HSFX3: variants seen among roughly 807,000 people sequenced by gnomAD.
HSFX3 encodes the protein heat shock transcription factor, X-linked member 3.
For missense variants in HSFX3, 51 were observed against 175.4 expected, an observed-to-expected ratio of 0.29 and a Z score of 4.01; for synonymous variants, 24 against 67.8, an observed-to-expected ratio of 0.35 and a Z score of 3.17.
chrX:149,549,778 C>T lies in HSFX3; in HGVS notation c.75G>A (p.Gly25=), dbSNP rs1236548885. Reference sequence around the variant, plus strand: ...GATCAGGTGAAGAACCAGATGGGCCCCCGCTTGTTGGCTCTCCACCAACAG... The same window carrying T: ...GATCAGGTGAAGAACCAGATGGGCCTCCGCTTGTTGGCTCTCCACCAACAG... ...APSVGGEPTS[G]GPSGSSPDPN... Residue 25 remains glycine (G), a synonymous_variant, in exon 1 of 2, where the codon GGG becomes GGA. Transcript: ENST00000431993. 1 of 345,253 alleles carries T rather than the reference C, an allele frequency of 2.9e-6. No homozygotes were observed. Among genetic ancestry groups the T allele is most frequent in the African/African-American group, 3.3e-5 (1 of 30,415 alleles). 28.5% of individuals were successfully genotyped at this position (345,253 alleles called of 1,213,427 possible).
rs1241954129 is a variant in HSFX3, at chrX:149,549,404, C to A, written c.449G>T (p.Arg150Leu). ...QLNLYGFCKTRPSNSPGNKKM... is the reference protein window; with the variant it reads ...QLNLYGFCKTLPSNSPGNKKM... ...CTTGTTTCCTGGAGAGTTGCTTGGG[C>A]GTGTTTTGCAGAATCCATAGAGGTT... The change falls in exon 1 of 2, where the codon CGC becomes CTC. Residue 150 changes from arginine (R) to leucine (L), a missense_variant. By Grantham distance (102) the Arg-to-Leu change is moderately radical. Coordinates refer to ENST00000431993, the MANE Select transcript of HSFX3 (RefSeq NM_001323079.3). 1 of 1,161,227 alleles carries A rather than the reference C, an allele frequency of 8.6e-7. No homozygotes were observed. Among genetic ancestry groups the A allele is most frequent in the African/African-American group, 1.8e-5 (1 of 55,014 alleles).
rs1293732907 is a variant in HSFX3, at chrX:149,549,445, A to G, written c.408T>C (p.Ser136=). 4 of 1,162,018 alleles carry G rather than the reference A, an allele frequency of 3.4e-6. No homozygotes were observed. In the Admixed American group the frequency reaches 1.0e-4, roughly 30 times the overall value. The part of the protein sequence containing the change: ...ERIFKTDSLT[S]FIRQLNLYGF... ...CATAGAGGTTCAGCTGGCGAATGAAACTCGTCAAGCTGTCTGTTTTGAAGA... is the reference window on the plus strand; with the variant it reads ...CATAGAGGTTCAGCTGGCGAATGAAGCTCGTCAAGCTGTCTGTTTTGAAGA... Residue 136 remains serine, a synonymous_variant, in exon 1 of 2, where the codon AGT becomes AGC. Coordinates refer to ENST00000431993, the MANE Select transcript of HSFX3 (RefSeq NM_001323079.3).
chrX:149,549,310 C>T lies in HSFX3; in HGVS notation c.483+60G>A, dbSNP rs1365236703. 13 of 1,115,845 alleles carry T rather than the reference C, an allele frequency of 1.2e-5. No homozygotes were observed. The Admixed American group carries it at 2.9e-4, about 25-fold the overall frequency. The allele number at this position is 1,115,845 out of a possible 1,213,427, so 92.0% of individuals were successfully genotyped here. A position where few individuals can be genotyped will look rare whatever the true frequency, so the allele number is the denominator to read the frequency against. ...TACAGTATATTATTCAAATTGGTGT[C>T]CTATGAAGATATGTTTGAGAAAGAG... On this transcript the variant is annotated intron_variant, in intron 1 of 1. Transcript: ENST00000431993.
Position 149,548,246 on chromosome X carries a change from A to T in HSFX3, c.*146T>A, listed in dbSNP as rs2089885252. 6 of 445,911 alleles carry T rather than the reference A, an allele frequency of 1.3e-5. No homozygotes were observed. Among genetic ancestry groups the T allele is most frequent in the Non-Finnish European group, 1.9e-5 (6 of 308,067 alleles). The allele number at this position is 445,911 out of a possible 1,213,427, so 36.7% of individuals were successfully genotyped here. A position where few individuals can be genotyped will look rare whatever the true frequency, so the allele number is the denominator to read the frequency against. On this transcript the variant is annotated 3_prime_UTR_variant, in exon 2 of 2. Transcript: ENST00000431993. The stretch of plus-strand genomic sequence containing the variant: ...ATTGTTTATTATTTATTTCCATGGA[A>T]TTTTGTTTTTCTTTATTAAGACCAA...
rs2089890534 is a variant in HSFX3, at chrX:149,548,687, C to A, written c.707G>T (p.Ser236Ile). Reference protein sequence around the residue: ...QQGAPSVQGPSGTQSFRRSGM... With the variant: ...QQGAPSVQGPIGTQSFRRSGM... The stretch of plus-strand genomic sequence containing the variant: ...AGAGCGCCTGAAGGACTGGGTGCCA[C>A]TGGGCCCCTGAACACTGGGGGCTCC... Residue 236 changes from serine (S) to isoleucine (I), a missense_variant, in exon 2 of 2, where the codon AGT (serine) becomes ATT (isoleucine). By Grantham distance (142) the Ser-to-Ile change is moderately radical. Transcript: ENST00000431993. 1 of 622,009 alleles carries A rather than the reference C, an allele frequency of 1.6e-6. No individual in the cohort carries two copies. Among genetic ancestry groups the A allele is most frequent in the Non-Finnish European group, 2.1e-6 (1 of 483,763 alleles). The allele number at this position is 622,009 out of a possible 1,213,427, so 51.3% of individuals were successfully genotyped here. A position where few individuals can be genotyped will look rare whatever the true frequency, so the allele number is the denominator to read the frequency against.
Position 149,548,257 on chromosome X carries a change from C to A in HSFX3, c.*135G>T. 1.6e-6 allele frequency: 1 copy of A among 627,205 alleles called. No individual in the cohort carries two copies. The highest frequency in any genetic ancestry group is 2.1e-6 in the Non-Finnish European group (1 of 474,265). The allele number at this position is 627,205 out of a possible 1,213,427, so 51.7% of individuals were successfully genotyped here. A position where few individuals can be genotyped will look rare whatever the true frequency, so the allele number is the denominator to read the frequency against. Reference sequence around the variant, plus strand: ...TTTATTTCCATGGAATTTTGTTTTTCTTTATTAAGACCAAAAATGTGTTTC... The same window carrying A: ...TTTATTTCCATGGAATTTTGTTTTTATTTATTAAGACCAAAAATGTGTTTC... On this transcript the variant is annotated 3_prime_UTR_variant, in exon 2 of 2. Transcript: ENST00000431993.
intron 1 of HSFX3, among the ~76,000 whole-genome samples, 151 bp downstream of exon 1, chrX:149,549,219 A>G (rs1454261488): frequency 2.7e-5 from 3 of 112,214 alleles, no homozygotes; most frequent in Non-Finnish European, 5.6e-5. Context: ...TTTAAGTTCT[A>G]TACTTTTCAT....
At position 149,548,352 on chromosome X, in the gene HSFX3, A is replaced by G; in HGVS notation, c.*40T>C. On this transcript the variant is annotated 3_prime_UTR_variant, in exon 2 of 2. Coordinates refer to ENST00000431993, the MANE Select transcript of HSFX3 (RefSeq NM_001323079.3). ...CTTCACGAATTTGCAGTGTTTCTGA[A>G]CTGTTCACAGAGTCTACACTTGTAA... 3 of 932,740 alleles carry G rather than the reference A, an allele frequency of 3.2e-6. No homozygotes were observed. Among genetic ancestry groups the G allele is most frequent in the Non-Finnish European group, 4.0e-6 (3 of 752,050 alleles). 76.9% of individuals were successfully genotyped at this position (932,740 alleles called of 1,213,427 possible).
At chrX:149,549,220 T>C (rs1243171931) in intron 1 of HSFX3, 150 bp downstream of exon 1, 30 of 1,031,716 alleles carry the variant, frequency 2.9e-5, no homozygotes, top group Non-Finnish European at 3.7e-5. Flanking sequence ...TTAAGTTCTA[T>C]ACTTTTCATC....
chrX:149,548,584 C>T lies in HSFX3; in HGVS notation c.810G>A (p.Trp270Ter). The T allele has an allele frequency of 1.1e-6, 1 of 890,468 alleles. No individual in the cohort carries two copies. Among genetic ancestry groups the T allele is most frequent in the Admixed American group, 6.7e-5 (1 of 15,004 alleles). The allele number at this position is 890,468 out of a possible 1,213,427, so 73.4% of individuals were successfully genotyped here. A position where few individuals can be genotyped will look rare whatever the true frequency, so the allele number is the denominator to read the frequency against. The change falls in exon 2 of 2, where the codon TGG becomes TGA. Residue 270 changes from tryptophan to a stop codon, truncating the protein, a stop_gained. Transcript: ENST00000431993. LOFTEE classifies it low-confidence loss of function (END_TRUNC). ...GPPQEPNGPS[W>*]EGTSGNVTFT... ...ATGTGACATTCCCAGAGGTGCCCTC[C>T]CAACTTGGGCCATTTGGTTCCTGAG...
chrX:149,548,383 G>A lies in HSFX3; in HGVS notation c.*9C>T. ...CACAGAGTCTACACTTGTAATCTGAGGAGCCTTCCTACTCCTCCTCATCGT... is the reference window on the plus strand; with the variant it reads ...CACAGAGTCTACACTTGTAATCTGAAGAGCCTTCCTACTCCTCCTCATCGT... On this transcript the variant is annotated 3_prime_UTR_variant, in exon 2 of 2. Coordinates refer to ENST00000431993, the MANE Select transcript of HSFX3 (RefSeq NM_001323079.3). 2 of 933,599 alleles carry A rather than the reference G, an allele frequency of 2.1e-6. No homozygotes were observed. The highest frequency in any genetic ancestry group is 1.2e-4 in the South Asian group (2 of 16,997). 76.9% of individuals were successfully genotyped at this position (933,599 alleles called of 1,213,427 possible).
In HSFX3 at chrX:149,549,406, T is replaced by C. The variant is rs2124166707; in HGVS notation, c.447A>G (p.Thr149=). ...TGTTTCCTGGAGAGTTGCTTGGGCGTGTTTTGCAGAATCCATAGAGGTTCA... is the reference window on the plus strand; with the variant it reads ...TGTTTCCTGGAGAGTTGCTTGGGCGCGTTTTGCAGAATCCATAGAGGTTCA... ...RQLNLYGFCK[T]RPSNSPGNKK... Residue 149 remains threonine (T), a synonymous_variant, in exon 1 of 2, where the codon ACA becomes ACG. Transcript: ENST00000431993. 8.6e-7 allele frequency: 1 copy of C among 1,163,665 alleles called. No individual in the cohort carries two copies. The highest frequency in any genetic ancestry group is 3.3e-5 in the East Asian group (1 of 30,625).
Position 149,548,276 on chromosome X carries a change from G to A in HSFX3, c.*116C>T. ...GTTTTTCTTTATTAAGACCAAAAAT[G>A]TGTTTCTCATTAAAAAATGGCAACT... is the stretch of plus-strand genomic sequence containing the variant. On this transcript the variant is annotated 3_prime_UTR_variant, in exon 2 of 2. Transcript: ENST00000431993. 2.5e-6 allele frequency: 2 copies of A among 788,443 alleles called. No individual in the cohort carries two copies. The highest frequency in any genetic ancestry group is 1.5e-4 in the South Asian group (2 of 13,586). 65.0% of individuals were successfully genotyped at this position (788,443 alleles called of 1,213,427 possible).
At position 149,548,300 on chromosome X, in the gene HSFX3, C is replaced by A; in HGVS notation, c.*92G>T. 1.1e-6 allele frequency: 1 copy of A among 917,561 alleles called. No homozygotes were observed. The highest frequency in any genetic ancestry group is 1.4e-6 in the Non-Finnish European group (1 of 738,532). 75.6% of individuals were successfully genotyped at this position (917,561 alleles called of 1,213,427 possible). On this transcript the variant is annotated 3_prime_UTR_variant, in exon 2 of 2. Transcript: ENST00000431993. ...TGTGTTTCTCATTAAAAAATGGCAA[C>A]TTTTATGGGCCATTAGTGGCCTGTG...
rs1474676814 is a variant in HSFX3 at position 149,549,401 on chromosome X, G to C, written c.452C>G (p.Pro151Arg). Residue 151 changes from proline to arginine, a missense_variant, in exon 1 of 2, where the codon CCA becomes CGA. Transcript: ENST00000431993. ...LNLYGFCKTRPSNSPGNKKMM... is the reference protein window; with the variant it reads ...LNLYGFCKTRRSNSPGNKKMM... ...TTTCTTGTTTCCTGGAGAGTTGCTT[G>C]GGCGTGTTTTGCAGAATCCATAGAG... The C allele has an allele frequency of 2.8e-5, 33 of 1,163,409 alleles. No homozygotes were observed. Among genetic ancestry groups the C allele is most frequent in the Non-Finnish European group, 3.4e-5 (30 of 871,823 alleles).
rs782015042 is a variant in HSFX3 at position 149,549,522 on chromosome X, C to G, written c.331G>C (p.Asp111His). 7 of 1,094,247 alleles carry G rather than the reference C, an allele frequency of 6.4e-6. No individual in the cohort carries two copies. The highest frequency in any genetic ancestry group is 2.5e-4 in the Middle Eastern group (1 of 3,993). The allele number at this position is 1,094,247 out of a possible 1,213,427, so 90.2% of individuals were successfully genotyped here. A position where few individuals can be genotyped will look rare whatever the true frequency, so the allele number is the denominator to read the frequency against. The stretch of plus-strand genomic sequence containing the variant: ...ACCTCCCTCTGGAAGAGATCCTTGT[C>G]GATGATCACGGCGTCTCCATCATCG... ...WNDDGDAVII[D>H]KDLFQREVLQ... Residue 111 changes from aspartate to histidine, a missense_variant, in exon 1 of 2, where the codon GAC becomes CAC. Transcript: ENST00000431993.
rs1307581779 is a variant in HSFX3, at chrX:149,549,419, C to A, written c.434G>T (p.Gly145Val). Reference sequence around the variant, plus strand: ...GTTGCTTGGGCGTGTTTTGCAGAATCCATAGAGGTTCAGCTGGCGAATGAA... The same window carrying A: ...GTTGCTTGGGCGTGTTTTGCAGAATACATAGAGGTTCAGCTGGCGAATGAA... ...TSFIRQLNLYGFCKTRPSNSP... is the reference protein window; with the variant it reads ...TSFIRQLNLYVFCKTRPSNSP... The change falls in exon 1 of 2, where the codon GGA (glycine) becomes GTA (valine). Residue 145 changes from glycine (G) to valine (V), a missense_variant. Gly to Val is a moderately radical substitution (Grantham distance 109). Transcript: ENST00000431993. 8.6e-7 allele frequency: 1 copy of A among 1,162,219 alleles called. No homozygotes were observed. Among genetic ancestry groups the A allele is most frequent in the Non-Finnish European group, 1.1e-6 (1 of 871,649 alleles).
rs195219 is a variant in HSFX3, at chrX:149,548,289, A to G, written c.*103T>C. On this transcript the variant is annotated 3_prime_UTR_variant, in exon 2 of 2. Transcript: ENST00000431993. Reference sequence around the variant, plus strand: ...AAGACCAAAAATGTGTTTCTCATTAAAAAATGGCAACTTTTATGGGCCATT... The same window carrying G: ...AAGACCAAAAATGTGTTTCTCATTAGAAAATGGCAACTTTTATGGGCCATT... 1.2e-4 allele frequency: 112 copies of G among 897,989 alleles called. 1 individual carries two copies. The African/African-American group carries it at 1.7e-3, about 13-fold the overall frequency. 74.0% of individuals were successfully genotyped at this position (897,989 alleles called of 1,213,427 possible).
chrX:149,548,384 G>A lies in HSFX3; in HGVS notation c.*8C>T, dbSNP rs1258803407. ...ACAGAGTCTACACTTGTAATCTGAG[G>A]AGCCTTCCTACTCCTCCTCATCGTC... On this transcript the variant is annotated 3_prime_UTR_variant, in exon 2 of 2. Coordinates refer to ENST00000431993, the MANE Select transcript of HSFX3 (RefSeq NM_001323079.3). The A allele has an allele frequency of 1.1e-6, 1 of 932,138 alleles. No homozygotes were observed. Among genetic ancestry groups the A allele is most frequent in the African/African-American group, 2.1e-5 (1 of 48,530 alleles). The allele number at this position is 932,138 out of a possible 1,213,427, so 76.8% of individuals were successfully genotyped here. A position where few individuals can be genotyped will look rare whatever the true frequency, so the allele number is the denominator to read the frequency against.
Sources: allele counts gnomAD v4.1 joint callset (sites outside exome capture counted in the v4.1 genomes callset), GRCh38; gene constraint gnomAD v4.1.1; transcripts MANE v1.5; gene names NCBI Gene and HGNC (gene_info 2026-07-23, HGNC 2026-07-21).